FTCD: variants seen among roughly 807,000 people sequenced by gnomAD.
FTCD encodes formimidoyltransferase-cyclodeaminase.
FTCD carries 76 observed loss-of-function variants against 62.9 expected under a neutral mutation model. The ratio of observed to expected loss-of-function variants is 1.21; its 90% CI spans 1.00 to 1.46. The LOEUF is 1.46. Ranked by LOEUF, FTCD falls within the 40% of genes most tolerant of loss-of-function variation. The pLI is 0.00. For missense variants in FTCD, 845 were observed against 751.3 expected (o/e 1.12, Z -1.46); for synonymous variants, 397 against 336.9 (o/e 1.18, Z -1.95).
Position 46,151,742 on chromosome 21 carries a change from G to A in FTCD, c.457-5C>T. On this transcript the variant is annotated splice_polypyrimidine_tract_variant and splice_region_variant and intron_variant, in intron 4 of 13. Coordinates refer to ENST00000397746, the MANE Select transcript of FTCD (RefSeq NM_206965.2). ...CGCCCAGTCGGCCTGCTGGAGCTGT[G>A]AGCAAGTTCGCTCTGGGGTGAGACA... 1 of 1,612,690 alleles carries A rather than the reference G, an allele frequency of 6.2e-7. No individual in the cohort carries two copies. Among genetic ancestry groups the A allele is most frequent in the Non-Finnish European group, 8.5e-7 (1 of 1,179,958 alleles).
chr21:46,143,529 A>C (rs964823455), intron 10 of FTCD, among the ~76,000 whole-genome samples: 1 of 152,262 alleles, frequency 6.6e-6, no homozygotes, highest in Admixed American at 6.5e-5. Context: ...ATTAGTTTGT[A>C]GCAATTACTC....
Position 46,150,380 on chromosome 21 carries a change from G to C in FTCD, c.774+8C>G. ...CCTCACAGCAGCAGCGGCTGCTCCC[G>C]GGCTCACCTGTGCTTCTCGGCAGGT... On this transcript the variant is annotated splice_region_variant and intron_variant, in intron 6 of 13. Coordinates refer to ENST00000397746, the MANE Select transcript of FTCD (RefSeq NM_206965.2). 6.2e-7 allele frequency: 1 copy of C among 1,612,016 alleles called. No individual in the cohort carries two copies. Among genetic ancestry groups the C allele is most frequent in the Non-Finnish European group, 8.5e-7 (1 of 1,179,924 alleles).
At chr21:46,151,866 G>T in intron 4 of FTCD, 26 bp downstream of exon 4, 1 of 1,555,316 alleles carries the variant, frequency 6.4e-7, no homozygotes, top group Non-Finnish European at 8.7e-7. Context: ...CTCCTTCCCA[G>T]GCCCGACCGC....
At position 46,145,512 on chromosome 21, in the gene FTCD, T is replaced by C; in HGVS notation, c.1165A>G (p.Thr389Ala). ...YGRRQFQSLDTTMRRLIPPFR... is the reference protein window; with the variant it reads ...YGRRQFQSLDATMRRLIPPFR... ...GGCGGGATCAGGCGCCGCATCGTCG[T>C]GTCCAGGGACTGGAATTGGCGCCGC... Residue 389 changes from threonine (T) to alanine (A), a missense_variant, in exon 10 of 14, where the codon ACG becomes GCG. By Grantham distance (58) the Thr-to-Ala change is moderately conservative. Coordinates refer to ENST00000397746, the MANE Select transcript of FTCD (RefSeq NM_206965.2). 1 of 1,550,808 alleles carries C rather than the reference T, an allele frequency of 6.4e-7. No homozygotes were observed. The highest frequency in any genetic ancestry group is 2.4e-5 in the East Asian group (1 of 40,934).
chr21:46,147,350 C>T (rs2123540672), intron 7 of FTCD, among the ~76,000 whole-genome samples: 1 of 152,176 alleles, frequency 6.6e-6, no homozygotes, highest in East Asian at 1.9e-4. Flanking sequence ...GGCTGCAGGC[C>T]TCACCCGACA....
chr21:46,138,543 G>A lies in FTCD; in HGVS notation c.1408C>T (p.Arg470Trp), dbSNP rs199807194. The change falls in exon 12 of 14, where the codon CGG becomes TGG. Residue 470 changes from arginine to tryptophan, a missense_variant. By Grantham distance (101) the Arg-to-Trp change is moderately radical. Coordinates refer to ENST00000397746, the MANE Select transcript of FTCD (RefSeq NM_206965.2). ...GACCGGCAGGCCAGGTTCCCACACCGGGCCAGTTCCTGCAGGGCCGGCCAC... is the reference window on the plus strand; with the variant it reads ...GACCGGCAGGCCAGGTTCCCACACCAGGCCAGTTCCTGCAGGGCCGGCCAC... Reference protein sequence around the residue: ...SLWPALQELARCGNLACRSDL... With the variant: ...SLWPALQELAWCGNLACRSDL... 3.4e-5 allele frequency: 54 copies of A among 1,586,614 alleles called. No individual in the cohort carries two copies. Among genetic ancestry groups the A allele is most frequent in the East Asian group, 1.4e-4 (6 of 44,282 alleles).
rs73908562 is a variant in FTCD at position 46,152,320 on chromosome 21, C to T, written c.368-340G>A. On this transcript the variant is annotated intron_variant, in intron 3 of 13. Transcript: ENST00000397746. ...ACCGCAAGCAACCACATAAATATAA[C>T]GGCAGAGAAGAGGAAAAACTCGTGA... The T allele has an allele frequency of 4.5e-3, 1,310 of 294,140 alleles. 17 individuals carry two copies. Among genetic ancestry groups the T allele is most frequent in the African/African-American group, 0.026 (1,201 of 46,220 alleles). The allele number at this position is 294,140 out of a possible 1,614,324, so 18.2% of individuals were successfully genotyped here.
chr21:46,148,739 C>A (rs2084857585), intron 7 of FTCD, among the ~76,000 whole-genome samples: 1 of 152,182 alleles, frequency 6.6e-6, no homozygotes, highest in Non-Finnish European at 1.5e-5. Context: ...ATGTCAAGGT[C>A]AATGAAGGAC....
chr21:46,145,830 G>C lies in FTCD; in HGVS notation c.1086C>G (p.Ala362=), dbSNP rs1305190023. ...CCCCCGCGCTCACCATGGCCGCAGC[G>C]GCCGCCGCCACCGAGCCGCCCCCGG... ...AAPGGGSVAA[A]AAAMGAALGS... Residue 362 remains alanine (A), a synonymous_variant, in exon 9 of 14, where the codon GCC becomes GCG. Coordinates refer to ENST00000397746, the MANE Select transcript of FTCD (RefSeq NM_206965.2). 2.5e-6 allele frequency: 2 copies of C among 808,700 alleles called. No individual in the cohort carries two copies. Among genetic ancestry groups the C allele is most frequent in the Non-Finnish European group, 2.8e-6 (2 of 708,470 alleles). The allele number at this position is 808,700 out of a possible 1,614,324, so 50.1% of individuals were successfully genotyped here.
At chr21:46,151,801 C>A in intron 4 of FTCD, 64 bp from the exon 5 acceptor site, 1 of 1,595,148 alleles carries the variant, frequency 6.3e-7, no homozygotes. Context: ...CCCGGGGTCC[C>A]GGGAAGGAGG....
At chr21:46,150,879 C>T (rs1004849928) in intron 5 of FTCD, among the ~76,000 whole-genome samples, 4 of 152,390 alleles carry the variant, frequency 2.6e-5, no homozygotes, top group Non-Finnish European at 4.4e-5. Context: ...GCTCCGCTCC[C>T]GACAAGTCCC....
intron 10 of FTCD, among the ~76,000 whole-genome samples, chr21:46,140,953 T>C (rs2078990570): frequency 6.6e-6 from 1 of 152,206 alleles, no homozygotes; most frequent in South Asian, 2.1e-4. Flanking sequence ...CGTAAACCAA[T>C]CCACTGATTT....
At chr21:46,136,739 T>C (rs2078874910), downstream of FTCD, 1 of 1,484,786 alleles carries the variant, frequency 6.7e-7, no homozygotes, top group Admixed American at 2.3e-5. Flanking sequence ...GCAGCTCAGC[T>C]CTCAGCCCTG....
At chr21:46,147,624 A>G (rs2079177204) in intron 7 of FTCD, among the ~76,000 whole-genome samples, 1 of 152,160 alleles carries the variant, frequency 6.6e-6, no homozygotes, top group Non-Finnish European at 1.5e-5. Flanking sequence ...GGCCGCAGGC[A>G]TGGGGCCCTT....
In FTCD at chr21:46,145,340, C is replaced by T. The variant is rs1171925671; in HGVS notation, c.1260+77G>A. The T allele has an allele frequency of 8.0e-6, 10 of 1,245,502 alleles. No individual in the cohort carries two copies. In the Admixed American group the frequency reaches 2.1e-4, roughly 26 times the overall value. The allele number at this position is 1,245,502 out of a possible 1,614,324, so 77.2% of individuals were successfully genotyped here. A position where few individuals can be genotyped will look rare whatever the true frequency, so the allele number is the denominator to read the frequency against. On this transcript the variant is annotated intron_variant, in intron 10 of 13. Transcript: ENST00000397746. ...CAGCCCCTCCCCAGCCGGAGGCTGA[C>T]CCGCTTCTCACTGGGGCCCCAGCTG...
At position 46,146,311 on chromosome 21, in the gene FTCD, C is replaced by T; in HGVS notation, c.923G>A (p.Gly308Asp). 6.2e-7 allele frequency: 1 copy of T among 1,603,464 alleles called. No homozygotes were observed. Among genetic ancestry groups the T allele is most frequent in the Non-Finnish European group, 8.5e-7 (1 of 1,175,018 alleles). The change falls in exon 8 of 14, where the codon GGC becomes GAC. Residue 308 changes from glycine (G) to aspartate (D), a missense_variant. By Grantham distance (94) the Gly-to-Asp change is moderately conservative. Transcript: ENST00000397746. ...QRIRLVVSRL[G>D]LDSLCPFSPK... Reference sequence around the variant, plus strand: ...GCTGAAGGGGCACAGGGAGTCCAGGCCCAGCCGGCTCACCACCTGGAAAAG... The same window carrying T: ...GCTGAAGGGGCACAGGGAGTCCAGGTCCAGCCGGCTCACCACCTGGAAAAG...
intron 7 of FTCD, among the ~76,000 whole-genome samples, chr21:46,149,226 C>T (rs567067919): frequency 4.6e-5 from 7 of 152,068 alleles, no homozygotes; most frequent in Non-Finnish European, 7.4e-5. Flanking sequence ...AGGCCACAAA[C>T]GCACCAATGA....
chr21:46,136,263 G>A (rs2078865170), downstream of FTCD: 3 of 592,700 alleles, frequency 5.1e-6, no homozygotes, highest in African/African-American at 3.7e-5. Context: ...AGAGTATAGT[G>A]ATTTGCTAAA....
rs554240139 is a variant in FTCD, at chr21:46,137,797, G to A, written c.1444-463C>T. Among the ~76,000 whole-genome samples the A allele has an allele frequency of 1.7e-3, 254 of 152,156 alleles. 2 individuals are homozygous for A. Among genetic ancestry groups the A allele is most frequent in the Middle Eastern group, 3.4e-3 (1 of 294 alleles). ...TCTTAGGGCAGCTGCAGAAAGTGCT[G>A]AGCCCATGAGAGAGACGCTCCTTCT... On this transcript the variant is annotated intron_variant, in intron 12 of 13. Transcript: ENST00000397746.
Sources: allele counts gnomAD v4.1 joint callset (sites outside exome capture counted in the v4.1 genomes callset), GRCh38; gene constraint gnomAD v4.1.1; transcripts MANE v1.5; gene names NCBI Gene and HGNC (gene_info 2026-07-23, HGNC 2026-07-21).